Variants in FAXC observed in about 807,000 individuals in gnomAD.
FAXC encodes failed axon connections homolog, metaxin like GST domain containing.
Under a neutral mutation model 41.9 loss-of-function variants are expected in FAXC, and 10 were observed. The observed-to-expected ratio is 0.24, with a 90% CI of 0.15 to 0.41. The LOEUF is 0.41. Ranked by LOEUF, FAXC falls within the 10% of genes least tolerant of loss-of-function variation. The probability of loss-of-function intolerance (pLI) is 1.00; values close to 1 mark genes in which losing one functional copy is unlikely to be tolerated. For synonymous variants in FAXC, 183 were observed against 183.8 expected (o/e 1.00, Z 0.03); for missense variants, 399 against 510.9 (o/e 0.78, Z 2.11).
At chr6:99,318,214 G>A (rs1340669091) in intron 4 of FAXC, among the ~76,000 whole-genome samples, 1 of 150,338 alleles carries the variant, frequency 6.7e-6, no homozygotes, top group African/African-American at 2.5e-5. Flanking sequence ...AGCCAAGACG[G>A]CGCCACTGCA....
intron 4 of FAXC, among the ~76,000 whole-genome samples, chr6:99,301,885 A>G (rs1174176423): frequency 6.6e-6 from 1 of 152,224 alleles, no homozygotes; most frequent in Non-Finnish European, 1.5e-5. Flanking sequence ...TACTGGGATT[A>G]ATAGGATTGG....
intron 4 of FAXC, among the ~76,000 whole-genome samples, chr6:99,306,317 A>C (rs1771918745): frequency 6.6e-6 from 1 of 152,176 alleles, no homozygotes; most frequent in South Asian, 2.1e-4. Context: ...TTGAAAGCCC[A>C]GTGGAAATGA....
In FAXC at chr6:99,349,645, C is replaced by T. The variant is rs2388907; in HGVS notation, c.-273G>A. On this transcript the variant is annotated 5_prime_UTR_variant, in exon 1 of 6. Coordinates refer to ENST00000389677, the MANE Select transcript of FAXC (RefSeq NM_032511.4). ...TCCCCCCGCAGCTGCCTCTCCGCCC[C>T]GCTCTTTGTGTCGGCGCCTGGAGAA... is the stretch of plus-strand genomic sequence containing the variant. The T allele has an allele frequency of 0.065, 9,967 of 152,332 alleles. 421 individuals carry two copies. The highest frequency in any genetic ancestry group is 0.14 in the Admixed American group (2,108 of 15,256). The allele number at this position is 152,332 out of a possible 1,614,324, so 9.4% of individuals were successfully genotyped here. A position where few individuals can be genotyped will look rare whatever the true frequency, so the allele number is the denominator to read the frequency against.
intron 1 of FAXC, 39 bp downstream of exon 1, chr6:99,349,068 C>G (rs1773696940): frequency 6.3e-7 from 1 of 1,597,430 alleles, no homozygotes. Flanking sequence ...CCAGGTGCCC[C>G]TCTCTGCGCC....
chr6:99,307,158 T>C (rs755867362), intron 4 of FAXC, among the ~76,000 whole-genome samples: 1 of 152,184 alleles, frequency 6.6e-6, no homozygotes, highest in African/African-American at 2.4e-5. Flanking sequence ...TAGGGTATTA[T>C]TTACCCTTTC....
At chr6:99,324,728 GA>G (rs891590362) in intron 3 of FAXC, among the ~76,000 whole-genome samples, 2 of 152,208 alleles carry the variant, frequency 1.3e-5, no homozygotes, top group Non-Finnish European at 2.9e-5. Context: ...CTGGTAGATA[GA>G]AATTCAAAGG....
At chr6:99,316,060 C>CA (rs1473083872) in intron 4 of FAXC, among the ~76,000 whole-genome samples, 1 of 152,128 alleles carries the variant, frequency 6.6e-6, no homozygotes, top group African/African-American at 2.4e-5. Context: ...TCAGTATCAT[C>CA]AAATCCAGCC....
rs1414429237 is a variant in FAXC at position 99,272,885 on chromosome 6, A to G, written c.*8279T>C. 5 of 152,260 alleles carry G rather than the reference A, an allele frequency of 3.3e-5. No homozygotes were observed. The highest frequency in any genetic ancestry group is 7.3e-5 in the Non-Finnish European group (5 of 68,040). 9.4% of individuals were successfully genotyped at this position (152,260 alleles called of 1,614,324 possible). A position where few individuals can be genotyped will look rare whatever the true frequency, so the allele number is the denominator to read the frequency against. On this transcript the variant is annotated 3_prime_UTR_variant, in exon 6 of 6. Coordinates refer to ENST00000389677, the MANE Select transcript of FAXC (RefSeq NM_032511.4). The stretch of plus-strand genomic sequence containing the variant: ...TAAACATTCAAATTTGCAAAAGAGA[A>G]GTAAATTGGAAGAAAGACATTCACA...
At chr6:99,316,665 G>T (rs1772369925) in intron 4 of FAXC, among the ~76,000 whole-genome samples, 1 of 152,140 alleles carries the variant, frequency 6.6e-6, no homozygotes, top group South Asian at 2.1e-4. Flanking sequence ...TTCCCAATCT[G>T]GAGGGATGGA....
intron 4 of FAXC, among the ~76,000 whole-genome samples, chr6:99,315,028 G>A (rs1772288221): frequency 6.6e-6 from 1 of 151,840 alleles, no homozygotes; most frequent in Non-Finnish European, 1.5e-5. Flanking sequence ...GAGGTCAGGA[G>A]TTCAAGACCA....
intron 4 of FAXC, among the ~76,000 whole-genome samples, chr6:99,295,177 T>C (rs984515335): frequency 4.6e-5 from 7 of 152,216 alleles, no homozygotes; most frequent in Admixed American, 2.0e-4. Context: ...TGGAATTTAG[T>C]ATCTGTGGAA....
In FAXC at chr6:99,275,826, G is replaced by C. The variant is rs555599280; in HGVS notation, c.*5338C>G. ...TGAGGAAAACATGCCACAGATGTTC[G>C]CATCCACGCCTGACAGTAGCAAGAG... On this transcript the variant is annotated 3_prime_UTR_variant, in exon 6 of 6. Transcript: ENST00000389677. 3 of 152,284 alleles carry C rather than the reference G, an allele frequency of 2.0e-5. No individual in the cohort carries two copies. The highest frequency in any genetic ancestry group is 4.4e-5 in the Non-Finnish European group (3 of 68,028). 9.4% of individuals were successfully genotyped at this position (152,284 alleles called of 1,614,324 possible). A position where few individuals can be genotyped will look rare whatever the true frequency, so the allele number is the denominator to read the frequency against.
chr6:99,288,798 G>C (rs34916572), intron 5 of FAXC, among the ~76,000 whole-genome samples: 4 of 151,432 alleles, frequency 2.6e-5, no homozygotes, highest in African/African-American at 4.9e-5. Context: ...TGGAGAGTGA[G>C]AGCTGCTGGC....
intron 2 of FAXC, among the ~76,000 whole-genome samples, chr6:99,339,853 A>G (rs1773354571): frequency 6.6e-6 from 1 of 152,156 alleles, no homozygotes; most frequent in African/African-American, 2.4e-5. Context: ...GATAATAGGG[A>G]ACAAGGAAGA....
At chr6:99,302,602 G>C (rs1467202309) in intron 4 of FAXC, among the ~76,000 whole-genome samples, 1 of 152,106 alleles carries the variant, frequency 6.6e-6, no homozygotes, top group Non-Finnish European at 1.5e-5. Flanking sequence ...GTTGCAGTGA[G>C]CCAAGATCAC....
chr6:99,340,596 A>G (rs1773388411), intron 2 of FAXC, among the ~76,000 whole-genome samples: 1 of 152,004 alleles, frequency 6.6e-6, no homozygotes, highest in African/African-American at 2.4e-5. Context: ...AAATAAGGCT[A>G]GTCAAATAAC....
At position 99,276,643 on chromosome 6, in the gene FAXC, G is replaced by C. The variant is rs1770635424; in HGVS notation, c.*4521C>G. On this transcript the variant is annotated 3_prime_UTR_variant, in exon 6 of 6. Coordinates refer to ENST00000389677, the MANE Select transcript of FAXC (RefSeq NM_032511.4). ...ACTAATTTTTCTTCTCTCTGGCTGT[G>C]TTAAAAACAAGAACAAACACAATGA... 1 of 152,096 alleles carries C rather than the reference G, an allele frequency of 6.6e-6. No homozygotes were observed. The highest frequency in any genetic ancestry group is 6.6e-5 in the Admixed American group (1 of 15,264). 9.4% of individuals were successfully genotyped at this position (152,096 alleles called of 1,614,324 possible).
upstream of FAXC, chr6:99,349,866 A>C (rs1208853997): frequency 1.3e-5 from 2 of 151,910 alleles, no homozygotes; most frequent in Non-Finnish European, 2.9e-5. Flanking sequence ...GCGCGCGGGC[A>C]AGGGCGGCGG....
At position 99,333,796 on chromosome 6, in the gene FAXC, AG is replaced by A. The variant is rs111531084; in HGVS notation, c.403-250del. Among the ~76,000 whole-genome samples the A allele has an allele frequency of 1.3e-3, 194 of 152,118 alleles. 2 individuals are homozygous for A. The highest frequency in any genetic ancestry group is 4.4e-3 in the African/African-American group (183 of 41,508). ...CGTGGACTTTGGCTTATGATGGAAA[AG>A]GAAAAAAAAGACCCCAGGGGCAAGG... On this transcript the variant is annotated intron_variant, in intron 2 of 5. Transcript: ENST00000389677.
Sources: gnomAD v4.1 joint callset for allele counts (sites outside exome capture counted in the v4.1 genomes callset) on GRCh38, gnomAD v4.1.1 for gene constraint, MANE v1.5 for transcripts, NCBI Gene and HGNC (gene_info 2026-07-23, HGNC 2026-07-21) for gene names.